The following MID1 variants were observed in gnomAD, a reference collection of about 807,000 sequenced individuals.
MID1 encodes midline 1.
Under a neutral mutation model 40.4 loss-of-function variants are expected in MID1, and 7 were observed. The ratio of observed to expected loss-of-function variants is 0.17; its 90% CI spans 0.10 to 0.33. The LOEUF is 0.33. Ranked by LOEUF, MID1 falls within the 10% of genes least tolerant of loss-of-function variation. The probability of loss-of-function intolerance (pLI) is 1.00; values close to 1 mark genes in which losing one functional copy is unlikely to be tolerated. For synonymous variants in MID1, 229 were observed against 221.2 expected, an observed-to-expected ratio of 1.04 and a Z score of -0.31; for missense variants, 367 against 558.5, an observed-to-expected ratio of 0.66 and a Z score of 3.46.
At chrX:10,539,403 A>G (rs772048055) in intron 2 of MID1, among the ~76,000 whole-genome samples, 16 of 111,951 alleles carry the variant, frequency 1.4e-4, no homozygotes, top group Non-Finnish European at 2.6e-4. Flanking sequence ...GTGACCTTCA[A>G]TATTGCTTCA....
intron 1 of MID1, among the ~76,000 whole-genome samples, chrX:10,801,572 G>A (rs559970132): frequency 9.0e-6 from 1 of 111,342 alleles, no homozygotes; most frequent in East Asian, 2.8e-4. Flanking sequence ...TAAATATAAT[G>A]TCCTTCAAAA....
chrX:10,647,330 C>G (rs1410327041), intron 1 of MID1, among the ~76,000 whole-genome samples: 2 of 111,559 alleles, frequency 1.8e-5, no homozygotes, highest in Non-Finnish European at 3.8e-5. Flanking sequence ...TATTTAGCAT[C>G]CCATTCTATA....
intron 1 of MID1, among the ~76,000 whole-genome samples, chrX:10,617,926 C>A (rs922893240): frequency 5.3e-5 from 6 of 112,580 alleles, no homozygotes; most frequent in Non-Finnish European, 7.5e-5. Context: ...CTAACTCAGC[C>A]GTGGCCTTAG....
At chrX:10,648,333 G>A (rs1394907319) in intron 1 of MID1, among the ~76,000 whole-genome samples, 1 of 111,391 alleles carries the variant, frequency 9.0e-6, no homozygotes, top group Non-Finnish European at 1.9e-5. Context: ...CTCTGTGTGC[G>A]TGTGTGTGTG....
intron 1 of MID1, among the ~76,000 whole-genome samples, chrX:10,573,245 T>C (rs1376433931): frequency 1.8e-5 from 2 of 112,425 alleles, no homozygotes; most frequent in Non-Finnish European, 3.8e-5. Context: ...ATAATATGTA[T>C]CTTAGTCCAT....
chrX:10,825,688 T>C (rs1419734675), intron 1 of MID1, among the ~76,000 whole-genome samples: 1 of 111,292 alleles, frequency 9.0e-6, no homozygotes, highest in Non-Finnish European at 1.9e-5. Flanking sequence ...TGGAATGAAA[T>C]AGAAAGAATT....
At chrX:10,521,371 C>T (rs917669828) in intron 3 of MID1, among the ~76,000 whole-genome samples, 13 of 110,887 alleles carry the variant, frequency 1.2e-4, no homozygotes, top group South Asian at 7.8e-4. Context: ...GAGAAAGGAG[C>T]GATGACTCTG....
chrX:10,599,519 G>A (rs779295652), intron 1 of MID1, among the ~76,000 whole-genome samples: 76 of 112,384 alleles, frequency 6.8e-4, no homozygotes, highest in Middle Eastern at 4.6e-3. Flanking sequence ...ATGCTATGGT[G>A]GAAAGAGAAG....
rs1252164331 is a variant in MID1, at chrX:10,447,813, TATTTC to T, written c.*1550_*1554del. 4.5e-5 allele frequency: 5 copies of T among 112,218 alleles called. 1 individual carries two copies. Among genetic ancestry groups the T allele is most frequent in the East Asian group, 2.8e-4 (1 of 3,592 alleles). 9.2% of individuals were successfully genotyped at this position (112,218 alleles called of 1,213,427 possible). A position where few individuals can be genotyped will look rare whatever the true frequency, so the allele number is the denominator to read the frequency against. On this transcript the variant is annotated 3_prime_UTR_variant, in exon 10 of 10. Coordinates refer to ENST00000317552, the MANE Select transcript of MID1 (RefSeq NM_000381.4). ...TGCTGAAACAATGAGTTCATTGACT[TATTTC>T]AGGGAGGCAGTTGGTTGATTTGGTT...
intron 1 of MID1, among the ~76,000 whole-genome samples, chrX:10,805,770 G>A (rs1337866319): frequency 2.3e-4 from 21 of 92,813 alleles, no homozygotes; most frequent in South Asian, 1.1e-3. Flanking sequence ...ATTGTAACTG[G>A]TGTGAGATGG....
At chrX:10,734,363 A>G (rs778161386) in intron 1 of MID1, among the ~76,000 whole-genome samples, 11 of 111,008 alleles carry the variant, frequency 9.9e-5, no homozygotes, top group Non-Finnish European at 2.1e-4. Context: ...TAAAGAAGGA[A>G]ACAACAGATA....
chrX:10,717,364 TG>T (rs2043312682), intron 1 of MID1, among the ~76,000 whole-genome samples: 1 of 81,084 alleles, frequency 1.2e-5, no homozygotes, highest in African/African-American at 5.5e-5. Flanking sequence ...ACCAAGCAAA[TG>T]GAAAAAAAAA....
chrX:10,651,820 G>T (rs1418049780), intron 1 of MID1, among the ~76,000 whole-genome samples: 1 of 111,026 alleles, frequency 9.0e-6, no homozygotes, highest in Non-Finnish European at 1.9e-5. Flanking sequence ...TAAAGGCGGG[G>T]TCCCACCATG....
chrX:10,803,263 TGAGA>T lies in MID1; in HGVS notation c.-187+30287_-187+30290del, dbSNP rs775073307. On this transcript the variant is annotated intron_variant, in intron 1 of 10. Transcript: ENST00000380785. ...AAAATATAAATAAATATAAAGTTCT[TGAGA>T]GAGAGATTTATACATAAATTAAGTG... Among the ~76,000 whole-genome samples, 49 of 110,923 alleles carry T rather than the reference TGAGA, an allele frequency of 4.4e-4. No homozygotes were observed. The South Asian group carries it at 0.012, about 27-fold the overall frequency.
intron 1 of MID1, among the ~76,000 whole-genome samples, chrX:10,813,865 G>A (rs2044118298): frequency 9.0e-6 from 1 of 111,670 alleles, no homozygotes; most frequent in African/African-American, 3.2e-5. Context: ...TCATGCAGAG[G>A]TTGGCAAACT....
At chrX:10,533,224 A>G (rs1439155232) in intron 2 of MID1, among the ~76,000 whole-genome samples, 4 of 109,277 alleles carry the variant, frequency 3.7e-5, no homozygotes, top group Non-Finnish European at 7.6e-5. Context: ...ACTTGTACCT[A>G]CAAAGACCAA....
At chrX:10,565,106 C>A in intron 2 of MID1, 1 of 329,701 alleles carries the variant, frequency 3.0e-6, no homozygotes, top group South Asian at 2.6e-5. Context: ...CATGCATTGC[C>A]TTTGCTATGA....
intron 7 of MID1, among the ~76,000 whole-genome samples, chrX:10,464,876 G>A (rs185286392): frequency 1.3e-4 from 14 of 111,396 alleles, no homozygotes; most frequent in Non-Finnish European, 2.1e-4. Flanking sequence ...TGTCCATGAC[G>A]ATTTGATTTA....
At position 10,721,198 on chromosome X, in the gene MID1, T is replaced by TA. The variant is rs929463600; in HGVS notation, c.-186-100780dup. On this transcript the variant is annotated intron_variant, in intron 1 of 10. Coordinates refer to the MID1 transcript ENST00000380785. Reference sequence around the variant, plus strand: ...ATGTACCCTAAAACTTAAAGTATAATAAAAAAAAGAAAAATAAATAAAGAA... The same window carrying TA: ...ATGTACCCTAAAACTTAAAGTATAATAAAAAAAAAGAAAAATAAATAAAGAA... 2.8e-3 allele frequency among the ~76,000 whole-genome samples: 314 copies of TA among 110,453 alleles called. 1 individual carries two copies. The highest frequency in any genetic ancestry group is 3.9e-3 in the Non-Finnish European group (208 of 52,712).
Sources: gnomAD v4.1 joint callset for allele counts (sites outside exome capture counted in the v4.1 genomes callset) on GRCh38, gnomAD v4.1.1 for gene constraint, MANE v1.5 for transcripts, NCBI Gene and HGNC (gene_info 2026-07-23, HGNC 2026-07-21) for gene names.